The following AMOT variants were observed in gnomAD, a reference collection of about 807,000 sequenced individuals.
AMOT encodes angiomotin.
AMOT carries 11 observed loss-of-function variants against 67.0 expected under a neutral mutation model. The observed-to-expected ratio is 0.16, with a 90% CI of 0.10 to 0.27. The LOEUF (loss-of-function observed/expected upper bound fraction) is 0.27, where lower values mean the gene tolerates loss of function less well. AMOT is among the 10% of genes least tolerant of loss of function. The probability of loss-of-function intolerance (pLI) is 1.00; values close to 1 mark genes in which losing one functional copy is unlikely to be tolerated. For missense variants in AMOT, 753 were observed against 852.0 expected (o/e 0.88, Z 1.45); for synonymous variants, 326 against 321.4 (o/e 1.01, Z -0.15).
intron 6 of AMOT, among the ~76,000 whole-genome samples, chrX:112,810,790 G>T (rs1158687964): frequency 8.9e-6 from 1 of 111,870 alleles, no homozygotes; most frequent in Non-Finnish European, 1.9e-5. Flanking sequence ...GGTGCTGAAG[G>T]CACTTTAAAG....
chrX:112,828,425 T>C (rs1934897246), intron 2 of AMOT, among the ~76,000 whole-genome samples: 1 of 105,556 alleles, frequency 9.5e-6, no homozygotes, highest in African/African-American at 3.5e-5. Flanking sequence ...TTAATCCATG[T>C]AAAGTGCTAA....
At chrX:112,789,663 ACT>A (rs779571572) in intron 10 of AMOT, among the ~76,000 whole-genome samples, 1 of 109,660 alleles carries the variant, frequency 9.1e-6, no homozygotes, top group South Asian at 4.0e-4. Flanking sequence ...GCACTTCCAG[ACT>A]CTGCTGGCTT....
chrX:112,790,221 T>A (rs946929091), intron 10 of AMOT, among the ~76,000 whole-genome samples: 1 of 107,919 alleles, frequency 9.3e-6, no homozygotes, highest in African/African-American at 3.4e-5. Flanking sequence ...AGTTTCTGAG[T>A]GGTAGTTTCT....
At chrX:112,804,898 T>TTCCCCCCCCCCCCCCC in intron 8 of AMOT, 49 bp downstream of exon 8, 4 of 837,582 alleles carry the variant, frequency 4.8e-6, no homozygotes, top group Non-Finnish European at 6.9e-6. Context: ...GTCCCCGATT[T>TTCCCCCCCCCCCCCCC]CCCAGCCCTC....
chrX:112,814,075 C>G (rs1425417558), intron 5 of AMOT, among the ~76,000 whole-genome samples: 1 of 110,927 alleles, frequency 9.0e-6, no homozygotes, highest in Admixed American at 9.5e-5. Context: ...GAGTTCGAGA[C>G]CAGCCTGGCC....
At chrX:112,796,245 G>T (rs748208216) in intron 8 of AMOT, among the ~76,000 whole-genome samples, 1 of 112,067 alleles carries the variant, frequency 8.9e-6, no homozygotes, top group Non-Finnish European at 1.9e-5. Context: ...GTATGTACAT[G>T]CAAGAGACAT....
intron 8 of AMOT, among the ~76,000 whole-genome samples, chrX:112,797,607 G>A (rs973918406): frequency 1.8e-5 from 2 of 111,348 alleles, no homozygotes; most frequent in African/African-American, 6.5e-5. Context: ...ATGGTGAAAC[G>A]CCGTCTCTAC....
chrX:112,805,167 C>T lies in AMOT; in HGVS notation c.1631-75G>A, dbSNP rs780585394. ...CCTTACCTGAGCAAAATTGACACATCATACCCTTTACTAGATAGCCTACTG... is the reference window on the plus strand; with the variant it reads ...CCTTACCTGAGCAAAATTGACACATTATACCCTTTACTAGATAGCCTACTG... On this transcript the variant is annotated intron_variant, in intron 7 of 13. Transcript: ENST00000371959. The T allele has an allele frequency of 2.6e-5, 30 of 1,137,995 alleles. No individual in the cohort carries two copies. In the South Asian group the frequency reaches 4.1e-4, roughly 16 times the overall value. The allele number at this position is 1,137,995 out of a possible 1,213,427, so 93.8% of individuals were successfully genotyped here.
chrX:112,813,540 T>C (rs1201872651), intron 5 of AMOT, among the ~76,000 whole-genome samples: 1 of 111,683 alleles, frequency 9.0e-6, no homozygotes, highest in Non-Finnish European at 1.9e-5. Context: ...GCTGTTCCAG[T>C]TACACTTATT....
rs1436304971 is a variant in AMOT, at chrX:112,838,164, AC to A, written c.-289+2287del. ...TCATTGGTAACAACTCCCCCACTCC[AC>A]CCCCACGCCCCAAACAAAACAAAAC... On this transcript the variant is annotated intron_variant, in intron 1 of 13. Coordinates refer to ENST00000371959, the MANE Select transcript of AMOT (RefSeq NM_001113490.2). Among the ~76,000 whole-genome samples the A allele has an allele frequency of 3.6e-5, 4 of 109,894 alleles. No individual in the cohort carries two copies. In the East Asian group the frequency reaches 1.1e-3, roughly 31 times the overall value.
At chrX:112,787,927 T>A (rs1401165571) in intron 10 of AMOT, among the ~76,000 whole-genome samples, 2 of 112,016 alleles carry the variant, frequency 1.8e-5, no homozygotes, top group Non-Finnish European at 1.9e-5. Context: ...TTCTTTCTTT[T>A]CTACTTTCCT....
intron 3 of AMOT, among the ~76,000 whole-genome samples, chrX:112,824,764 T>G (rs1934800567): frequency 9.0e-6 from 1 of 111,662 alleles, no homozygotes; most frequent in Non-Finnish European, 1.9e-5. Flanking sequence ...TGGGATATTC[T>G]GATAGGCTGA....
chrX:112,819,434 G>A, intron 4 of AMOT: 1 of 748,582 alleles, frequency 1.3e-6, no homozygotes, highest in Non-Finnish European at 1.6e-6. Context: ...GCTCTGCTCT[G>A]AACTACAGAG....
intron 9 of AMOT, 138 bp downstream of exon 9, chrX:112,791,694 T>C: frequency 1.3e-6 from 1 of 799,202 alleles, no homozygotes; most frequent in East Asian, 3.2e-5. Flanking sequence ...TGGAGTAAGA[T>C]TAGGTGGGAG....
At chrX:112,823,391 T>C (rs59566571) in intron 3 of AMOT, among the ~76,000 whole-genome samples, 5,249 of 111,820 alleles carry the variant, frequency 0.047, 304 homozygotes, top group African/African-American at 0.16. Flanking sequence ...CTCTAGGTTT[T>C]CTCTTTCACT....
chrX:112,822,120 G>A (rs1934730441), intron 4 of AMOT, 135 bp downstream of exon 4: 1 of 833,559 alleles, frequency 1.2e-6, no homozygotes, highest in East Asian at 3.7e-5. Flanking sequence ...GGCAATTCAC[G>A]AAGCCAGAGG....
chrX:112,828,869 T>C (rs1934912418), intron 2 of AMOT, among the ~76,000 whole-genome samples: 1 of 112,890 alleles, frequency 8.9e-6, no homozygotes, highest in Admixed American at 9.3e-5. Flanking sequence ...AAACCTGCTT[T>C]AACGCTACCA....
intron 9 of AMOT, 89 bp downstream of exon 9, chrX:112,791,743 C>T: frequency 1.8e-6 from 2 of 1,098,072 alleles, no homozygotes; most frequent in South Asian, 4.1e-5. Flanking sequence ...TTTCAGTGTT[C>T]ATGTCAAATG....
At chrX:112,782,467 G>A (rs1456406166) in intron 11 of AMOT, 73 bp downstream of exon 11, 22 of 1,181,944 alleles carry the variant, frequency 1.9e-5, no homozygotes, top group Non-Finnish European at 2.5e-5. Flanking sequence ...AGATTTCCTA[G>A]CTGTGAATAA....
Sources: allele counts gnomAD v4.1 joint callset (sites outside exome capture counted in the v4.1 genomes callset), GRCh38; gene constraint gnomAD v4.1.1; transcripts MANE v1.5; gene names NCBI Gene and HGNC (gene_info 2026-07-23, HGNC 2026-07-21).